Variants in GALK2 observed in about 807,000 individuals in gnomAD.
The protein encoded by GALK2 is galactokinase 2.
A neutral mutation model predicts 52.4 loss-of-function variants in GALK2; 36 were observed. The ratio of observed to expected loss-of-function variants is 0.69; its 90% CI spans 0.53 to 0.91. GALK2 has a LOEUF of 0.91. GALK2 is among the 40% of genes least tolerant of loss of function. GALK2 has a pLI of 0.00. For missense variants in GALK2, 579 were observed against 559.1 expected (o/e 1.04, Z -0.36); for synonymous variants, 176 against 199.1 (o/e 0.88, Z 0.98).
intron 5 of GALK2, among the ~76,000 whole-genome samples, chr15:49,271,284 C>CA (rs755737252): frequency 1.6e-4 from 24 of 152,080 alleles, no homozygotes; most frequent in Non-Finnish European, 3.4e-4. Context: ...TCCCCAACAA[C>CA]TTTTTTTTAG....
chr15:49,194,795 A>G (rs1458285717), intron 1 of GALK2, among the ~76,000 whole-genome samples: 4 of 151,084 alleles, frequency 2.6e-5, no homozygotes, highest in African/African-American at 9.7e-5. Context: ...GGGTTTCTCC[A>G]TGTCGGTCAG....
downstream of GALK2, chr15:49,335,320 C>G (rs1295364732): frequency 1.4e-6 from 1 of 731,210 alleles, no homozygotes; most frequent in African/African-American, 1.8e-5. Flanking sequence ...ACATGACTCT[C>G]CTCATCATTA....
intron 3 of GALK2, chr15:49,366,553 A>C: frequency 6.3e-7 from 1 of 1,588,756 alleles, no homozygotes; most frequent in Admixed American, 1.7e-5. Flanking sequence ...GGGGGTTATA[A>C]AGCATGCAGT....
chr15:49,260,258 T>A (rs1424204597), intron 5 of GALK2, among the ~76,000 whole-genome samples: 2 of 152,096 alleles, frequency 1.3e-5, no homozygotes, highest in Non-Finnish European at 2.9e-5. Flanking sequence ...TCCTGACTTT[T>A]TAATGATCGC....
At chr15:49,365,790 T>C in intron 3 of GALK2, 1 of 851,268 alleles carries the variant, frequency 1.2e-6, no homozygotes, top group Non-Finnish European at 2.1e-6. Context: ...CAATAGCTAT[T>C]GCTATGCACA....
At chr15:49,341,257 G>A (rs956853038) in intron 3 of GALK2, among the ~76,000 whole-genome samples, 1 of 151,934 alleles carries the variant, frequency 6.6e-6, no homozygotes, top group African/African-American at 2.4e-5. Context: ...GGCTGTTTTG[G>A]TTTTAGAATA....
intron 3 of GALK2, among the ~76,000 whole-genome samples, chr15:49,352,811 A>C (rs1596409566): frequency 6.6e-6 from 1 of 152,148 alleles, no homozygotes; most frequent in South Asian, 2.1e-4. Context: ...GCAGTTCCCT[A>C]TCTTGCAAAG....
At chr15:49,280,312 G>T (rs1450403542) in intron 5 of GALK2, among the ~76,000 whole-genome samples, 1 of 152,224 alleles carries the variant, frequency 6.6e-6, no homozygotes, top group African/African-American at 2.4e-5. Context: ...CATATGGGTG[G>T]TGGTGCAGGT....
intron 3 of GALK2, among the ~76,000 whole-genome samples, chr15:49,224,073 A>G (rs778040259): frequency 1.3e-5 from 2 of 151,970 alleles, no homozygotes; most frequent in Non-Finnish European, 2.9e-5. Context: ...TGACATTTAC[A>G]TAATAGCCAT....
intron 1 of GALK2, among the ~76,000 whole-genome samples, chr15:49,195,558 A>G (rs2087152209): frequency 6.6e-6 from 1 of 152,068 alleles, no homozygotes; most frequent in South Asian, 2.1e-4. Flanking sequence ...ATTTCTGTAT[A>G]TTAATCTTAC....
chr15:49,275,103 T>C (rs2031440736), intron 5 of GALK2, among the ~76,000 whole-genome samples: 1 of 152,246 alleles, frequency 6.6e-6, no homozygotes, highest in Non-Finnish European at 1.5e-5. Flanking sequence ...ACTACACTTT[T>C]ATATGACTGG....
At chr15:49,327,913 C>G in intron 9 of GALK2, 39 bp from the exon 10 acceptor site, 4 of 1,574,948 alleles carry the variant, frequency 2.5e-6, no homozygotes, top group Non-Finnish European at 3.5e-6. Flanking sequence ...CTTGTATTTT[C>G]ATTTATAGGT....
intron 5 of GALK2, among the ~76,000 whole-genome samples, chr15:49,256,594 T>A (rs1310054295): frequency 1.3e-5 from 2 of 152,166 alleles, no homozygotes; most frequent in Non-Finnish European, 2.9e-5. Flanking sequence ...ACTGAACCAT[T>A]CACGTATATT....
At chr15:49,299,692 G>T (rs557535030) in intron 8 of GALK2, among the ~76,000 whole-genome samples, 41 of 142,076 alleles carry the variant, frequency 2.9e-4, no homozygotes, top group African/African-American at 1.1e-3. Context: ...ATGGTTTTGA[G>T]AGATCTTCTT....
intron 1 of GALK2, chr15:49,195,358 A>G: frequency 4.9e-6 from 1 of 205,644 alleles, no homozygotes; most frequent in Non-Finnish European, 1.0e-5. Flanking sequence ...GGCATGAGCC[A>G]CAGTGCCCAG....
intron 1 of GALK2, among the ~76,000 whole-genome samples, chr15:49,176,488 G>A (rs544058238): frequency 6.6e-6 from 1 of 152,080 alleles, no homozygotes; most frequent in Non-Finnish European, 1.5e-5. Context: ...TTAGATCAAC[G>A]CATGACAGAG....
intron 1 of GALK2, among the ~76,000 whole-genome samples, chr15:49,188,147 T>C (rs1005630443): frequency 1.3e-5 from 2 of 152,194 alleles, no homozygotes; most frequent in Non-Finnish European, 2.9e-5. Context: ...ACTAGTTCTT[T>C]CTCTTCAAGG....
chr15:49,240,166 A>G, intron 5 of GALK2, among the ~76,000 whole-genome samples: 1 of 152,220 alleles, frequency 6.6e-6, no homozygotes, highest in Non-Finnish European at 1.5e-5. Flanking sequence ...CCTTCTTTTT[A>G]GCTGTCCTGT....
intron 3 of GALK2, among the ~76,000 whole-genome samples, chr15:49,363,836 T>A (rs1335925585): frequency 6.6e-6 from 1 of 152,166 alleles, no homozygotes; most frequent in Non-Finnish European, 1.5e-5. Context: ...GGATGTTGAA[T>A]TGTATCAAAA....
Sources: allele counts gnomAD v4.1 joint callset (sites outside exome capture counted in the v4.1 genomes callset), GRCh38; gene constraint gnomAD v4.1.1; transcripts MANE v1.5; gene names NCBI Gene and HGNC (gene_info 2026-07-23, HGNC 2026-07-21).